Variants in HPSE2 observed in about 807,000 individuals in gnomAD.
HPSE2 encodes the protein heparanase 2 (inactive), also known as inactive heparanase-2.
A neutral mutation model predicts 60.5 loss-of-function variants in HPSE2; 38 were observed. That is an observed-to-expected ratio of 0.63 (90% CI 0.48 to 0.82). HPSE2 has a LOEUF of 0.82. Among genes scored for constraint, HPSE2 ranks in the 40% least tolerant of loss-of-function variants. The pLI, the probability that HPSE2 is intolerant of heterozygous loss-of-function variation, is 0.00. For missense variants in HPSE2, 713 were observed against 740.4 expected (o/e 0.96, Z 0.43); for synonymous variants, 295 against 293.2 (o/e 1.01, Z -0.06).
At chr10:99,056,342 C>A (rs575016147) in intron 3 of HPSE2, among the ~76,000 whole-genome samples, 1 of 152,160 alleles carries the variant, frequency 6.6e-6, no homozygotes, top group African/African-American at 2.4e-5. Flanking sequence ...ACTTCAGGTG[C>A]AATTGGGTTC....
intron 2 of HPSE2, among the ~76,000 whole-genome samples, chr10:99,170,746 G>C (rs890196323): frequency 1.3e-5 from 2 of 152,018 alleles, no homozygotes; most frequent in Non-Finnish European, 2.9e-5. Context: ...ATTTTGTTTG[G>C]CTTGGCTGAT....
chr10:98,907,882 C>A (rs893973718), intron 3 of HPSE2, among the ~76,000 whole-genome samples: 7 of 152,120 alleles, frequency 4.6e-5, no homozygotes, highest in Non-Finnish European at 7.4e-5. Flanking sequence ...CTTCCTGTAT[C>A]CCCCAAAACC....
At chr10:99,152,354 G>A (rs868812386) in intron 2 of HPSE2, among the ~76,000 whole-genome samples, 18 of 148,748 alleles carry the variant, frequency 1.2e-4, no homozygotes, top group African/African-American at 3.4e-4. Flanking sequence ...GTTGCTAGCA[G>A]ACCTGCAACA....
intron 9 of HPSE2, among the ~76,000 whole-genome samples, chr10:98,549,291 T>C (rs773397347): frequency 9.2e-5 from 14 of 152,196 alleles, no homozygotes; most frequent in South Asian, 4.1e-4. Flanking sequence ...AATTAAATAC[T>C]TCTAGACTAC....
At chr10:98,567,604 A>C (rs1944382323) in intron 9 of HPSE2, among the ~76,000 whole-genome samples, 1 of 152,152 alleles carries the variant, frequency 6.6e-6, no homozygotes, top group Non-Finnish European at 1.5e-5. Flanking sequence ...AAAGAGTCTG[A>C]AATATTCCTT....
chr10:99,043,344 C>T (rs1021026229), intron 3 of HPSE2, among the ~76,000 whole-genome samples: 7 of 151,960 alleles, frequency 4.6e-5, no homozygotes, highest in South Asian at 2.1e-4. Flanking sequence ...ATTAGCTGGG[C>T]GTGGTGGTGG....
intron 6 of HPSE2, among the ~76,000 whole-genome samples, chr10:98,675,392 C>T (rs1458672088): frequency 1.3e-5 from 2 of 152,102 alleles, no homozygotes; most frequent in Non-Finnish European, 2.9e-5. Flanking sequence ...TAGTGCAATA[C>T]TTGTGTAACA....
At chr10:98,483,785 G>C (rs1271006346) in intron 10 of HPSE2, among the ~76,000 whole-genome samples, 1 of 152,194 alleles carries the variant, frequency 6.6e-6, no homozygotes, top group East Asian at 1.9e-4. Flanking sequence ...GTGGGCAGAG[G>C]TACAGTTGAG....
intron 3 of HPSE2, among the ~76,000 whole-genome samples, chr10:99,109,659 C>T (rs574231535): frequency 3.9e-5 from 6 of 152,246 alleles, no homozygotes; most frequent in East Asian, 1.9e-4. Context: ...CTCCAGAATG[C>T]GCTTTGGCTA....
chr10:98,857,118 C>A (rs1952336932), intron 3 of HPSE2, among the ~76,000 whole-genome samples: 2 of 152,158 alleles, frequency 1.3e-5, no homozygotes, highest in Admixed American at 6.6e-5. Context: ...CAGGAGATAG[C>A]AGACTAAATC....
At chr10:98,887,985 A>G (rs999171623) in intron 3 of HPSE2, among the ~76,000 whole-genome samples, 2 of 151,878 alleles carry the variant, frequency 1.3e-5, no homozygotes, top group Non-Finnish European at 2.9e-5. Context: ...CCTACTATTA[A>G]TATTTGATAG....
intron 3 of HPSE2, among the ~76,000 whole-genome samples, chr10:98,980,706 C>T (rs1014575747): frequency 3.3e-5 from 5 of 152,082 alleles, no homozygotes; most frequent in East Asian, 3.9e-4. Context: ...AGTTAGGTTA[C>T]GGTTTGTCCA....
Position 99,081,581 on chromosome 10 carries a change from AGATGATGAT to A in HPSE2, c.610+62648_610+62656del, listed in dbSNP as rs34159388. On this transcript the variant is annotated intron_variant, in intron 3 of 11. Coordinates refer to ENST00000370552, the MANE Select transcript of HPSE2 (RefSeq NM_021828.5). The stretch of plus-strand genomic sequence containing the variant: ...TAGAGTGCTATTCTACTACTACTAA[AGATGATGAT>A]GATGATGATGATGATGATGATGATG... Among the ~76,000 whole-genome samples the A allele has an allele frequency of 2.2e-3, 331 of 147,404 alleles. 2 individuals are homozygous for A. The highest frequency in any genetic ancestry group is 7.8e-3 in the African/African-American group (314 of 40,270).
intron 11 of HPSE2, among the ~76,000 whole-genome samples, chr10:98,464,575 C>A (rs181374466): frequency 6.6e-6 from 1 of 152,350 alleles, no homozygotes; most frequent in East Asian, 1.9e-4. Context: ...AAAGTTATTT[C>A]TAACTGTGGC....
chr10:99,072,300 C>A (rs574519949), intron 3 of HPSE2, among the ~76,000 whole-genome samples: 5 of 151,564 alleles, frequency 3.3e-5, no homozygotes, highest in Non-Finnish European at 7.4e-5. Context: ...ATTGACAAAT[C>A]GGATCTAATT....
At position 98,855,842 on chromosome 10, in the gene HPSE2, G is replaced by A. The variant is rs146530118; in HGVS notation, c.611-111786C>T. On this transcript the variant is annotated intron_variant, in intron 3 of 11. Transcript: ENST00000370552. ...CCACTGAGGAGTCAAGAGTGTGAAG[G>A]AAGACCCTCTTTTCAGGTGTAGACT... is the stretch of plus-strand genomic sequence containing the variant. Among the ~76,000 whole-genome samples, 136 of 152,272 alleles carry A rather than the reference G, an allele frequency of 8.9e-4. 1 individual carries two copies. The highest frequency in any genetic ancestry group is 3.1e-3 in the African/African-American group (129 of 41,542).
intron 9 of HPSE2, among the ~76,000 whole-genome samples, chr10:98,503,040 C>T (rs538493624): frequency 1.3e-5 from 2 of 151,876 alleles, no homozygotes; most frequent in South Asian, 2.1e-4. Context: ...GGTGAAACCC[C>T]GTCTCTATTA....
chr10:98,856,855 A>G lies in HPSE2; in HGVS notation c.611-112799T>C, dbSNP rs200146671. 7.2e-5 allele frequency among the ~76,000 whole-genome samples: 11 copies of G among 152,292 alleles called. No individual in the cohort carries two copies. The East Asian group carries it at 2.1e-3, about 29-fold the overall frequency. On this transcript the variant is annotated intron_variant, in intron 3 of 11. Transcript: ENST00000370552. ...AAAAATCAGAAACATTGTGTTAGGA[A>G]CTATTTTTGTATTATTCCCACATGA...
chr10:98,514,144 G>A (rs188554601), intron 9 of HPSE2, among the ~76,000 whole-genome samples: 37 of 152,172 alleles, frequency 2.4e-4, no homozygotes, highest in Admixed American at 1.0e-3. Flanking sequence ...GATGAACCTC[G>A]AAAACATGCT....
Sources: gnomAD v4.1 joint callset for allele counts (sites outside exome capture counted in the v4.1 genomes callset) on GRCh38, gnomAD v4.1.1 for gene constraint, MANE v1.5 for transcripts, NCBI Gene and HGNC (gene_info 2026-07-23, HGNC 2026-07-21) for gene names.